DPT: variants seen among roughly 807,000 people sequenced by gnomAD.
DPT encodes dermatopontin, also known as tyrosine-rich acidic matrix protein.
In DPT, 21 loss-of-function variants were observed where a neutral mutation model predicts 31.2. That is an observed-to-expected ratio of 0.67 (90% CI 0.48 to 0.97). The LOEUF (loss-of-function observed/expected upper bound fraction) is 0.97, where lower values mean the gene tolerates loss of function less well. Among genes scored for constraint, DPT ranks in the 50% least tolerant of loss-of-function variants. The pLI is 0.00. For synonymous variants in DPT, 91 were observed against 86.9 expected, an observed-to-expected ratio of 1.05 and a Z score of -0.26; for missense variants, 262 against 258.8, an observed-to-expected ratio of 1.01 and a Z score of -0.08.
At chr1:168,697,403 C>T (rs1649489624) in intron 3 of DPT, among the ~76,000 whole-genome samples, 1 of 152,190 alleles carries the variant, frequency 6.6e-6, no homozygotes, top group Admixed American at 6.5e-5. Context: ...AACACTGCTA[C>T]AGAGGAATGA....
chr1:168,696,004 G>T lies in DPT; in HGVS notation c.*545C>A, dbSNP rs934701227. The T allele has an allele frequency of 2.5e-6, 1 of 392,758 alleles. No individual in the cohort carries two copies. The highest frequency in any genetic ancestry group is 4.5e-6 in the Non-Finnish European group (1 of 222,912). The allele number at this position is 392,758 out of a possible 1,614,324, so 24.3% of individuals were successfully genotyped here. A position where few individuals can be genotyped will look rare whatever the true frequency, so the allele number is the denominator to read the frequency against. Reference sequence around the variant, plus strand: ...TTCACCTCCCAGTCTCCTCACTCCTGGAGCAAAGAGCTCTGCACTTGGATT... The same window carrying T: ...TTCACCTCCCAGTCTCCTCACTCCTTGAGCAAAGAGCTCTGCACTTGGATT... On this transcript the variant is annotated 3_prime_UTR_variant, in exon 4 of 4. Coordinates refer to ENST00000367817, the MANE Select transcript of DPT (RefSeq NM_001937.5).
chr1:168,702,144 T>A (rs1251634830), intron 2 of DPT, among the ~76,000 whole-genome samples: 1 of 152,184 alleles, frequency 6.6e-6, no homozygotes, highest in Non-Finnish European at 1.5e-5. Flanking sequence ...AAAGTCTTTA[T>A]CCACACCCCA....
chr1:168,710,813 CTGTCTTTT>C (rs1557848346), intron 2 of DPT, among the ~76,000 whole-genome samples: 2 of 152,032 alleles, frequency 1.3e-5, no homozygotes, highest in African/African-American at 4.8e-5. Flanking sequence ...ACACAAAGAC[CTGTCTTTT>C]TCAGGTCTCA....
chr1:168,726,625 T>C (rs962126671), intron 1 of DPT, among the ~76,000 whole-genome samples: 2 of 152,258 alleles, frequency 1.3e-5, no homozygotes, highest in Admixed American at 6.5e-5. Context: ...TCTTCCTCTA[T>C]GGCTTGGGGA....
At chr1:168,718,024 C>A (rs748332799) in intron 1 of DPT, among the ~76,000 whole-genome samples, 2 of 152,154 alleles carry the variant, frequency 1.3e-5, no homozygotes, top group African/African-American at 2.4e-5. Flanking sequence ...TCATATGTGT[C>A]CAAAAAGAGA....
intron 2 of DPT, among the ~76,000 whole-genome samples, chr1:168,704,818 C>A (rs898820729): frequency 5.3e-5 from 8 of 152,160 alleles, no homozygotes; most frequent in African/African-American, 1.7e-4. Flanking sequence ...GAAATCAGTT[C>A]GAACTGAAGA....
chr1:168,718,057 T>C (rs1650024227), intron 1 of DPT, among the ~76,000 whole-genome samples: 1 of 152,248 alleles, frequency 6.6e-6, no homozygotes, highest in Non-Finnish European at 1.5e-5. Context: ...GCTAGTGCTC[T>C]CTGTGACCTG....
chr1:168,722,320 T>C (rs1650134327), intron 1 of DPT, among the ~76,000 whole-genome samples: 1 of 152,260 alleles, frequency 6.6e-6, no homozygotes, highest in Non-Finnish European at 1.5e-5. Context: ...TTAAATTATA[T>C]GTTCCAAAAG....
At chr1:168,708,760 GC>G (rs1557847876) in intron 2 of DPT, among the ~76,000 whole-genome samples, 1 of 152,160 alleles carries the variant, frequency 6.6e-6, no homozygotes, top group African/African-American at 2.4e-5. Context: ...GGCACAGGTG[GC>G]ATATGACAGG....
At position 168,696,117 on chromosome 1, in the gene DPT, T is replaced by C. The variant is rs1023122578; in HGVS notation, c.*432A>G. 7 of 403,562 alleles carry C rather than the reference T, an allele frequency of 1.7e-5. No individual in the cohort carries two copies. The highest frequency in any genetic ancestry group is 1.2e-4 in the African/African-American group (6 of 48,660). 25.0% of individuals were successfully genotyped at this position (403,562 alleles called of 1,614,324 possible). ...CTGCTTTTGGTGGGGAACCTACGTA[T>C]CATTCAAACAGGCTTAGCTGTAGAG... On this transcript the variant is annotated 3_prime_UTR_variant, in exon 4 of 4. Coordinates refer to ENST00000367817, the MANE Select transcript of DPT (RefSeq NM_001937.5).
At chr1:168,725,140 A>T (rs1221626733) in intron 1 of DPT, among the ~76,000 whole-genome samples, 1 of 151,880 alleles carries the variant, frequency 6.6e-6, no homozygotes, top group Non-Finnish European at 1.5e-5. Flanking sequence ...TACAAGTATC[A>T]CAGTAACACA....
In DPT at chr1:168,728,934, G is replaced by A. The variant is rs1466592586; in HGVS notation, c.241C>T (p.Pro81Ser). The A allele has an allele frequency of 1.2e-6, 2 of 1,614,202 alleles. No homozygotes were observed. The highest frequency in any genetic ancestry group is 2.2e-5 in the South Asian group (2 of 91,084). The change falls in exon 1 of 4, where the codon CCA (proline) becomes TCA (serine). Residue 81 changes from proline (P) to serine (S), a missense_variant. Physicochemically the swap from Pro to Ser is moderately conservative, Grantham distance 74 (BLOSUM62 -1). Coordinates refer to ENST00000367817, the MANE Select transcript of DPT (RefSeq NM_001937.5). The stretch of plus-strand genomic sequence containing the variant: ...TCCGTGGGTTCCCCGAGGCTCTGTG[G>A]CGTGGGCATGCAGGCGTAGTTCCAT... ...RQWNYACMPT[P>S]QSLGEPTECW...
chr1:168,704,948 C>T (rs1480258397), intron 2 of DPT, among the ~76,000 whole-genome samples: 1 of 152,160 alleles, frequency 6.6e-6, no homozygotes, highest in Admixed American at 6.5e-5. Context: ...GACTGAGCTG[C>T]TGCTGATAGA....
At position 168,701,018 on chromosome 1, in the gene DPT, T is replaced by C. The variant is rs1649583938; in HGVS notation, c.538A>G (p.Arg180Gly). ...TTGGGAAGGGGCTGTCTTTCTCACC[T>C]TTCCACTGCAGAGAAAGTGGTTGTT... ...GATTTFSAVERDRQWKFIMCR... is the reference protein window; with the variant it reads ...GATTTFSAVEGDRQWKFIMCR... Residue 180 changes from arginine to glycine, a missense_variant and splice_region_variant, in exon 3 of 4, where the codon AGG (arginine) becomes GGG (glycine). Arg to Gly is a moderately radical substitution (Grantham distance 125). Coordinates refer to ENST00000367817, the MANE Select transcript of DPT (RefSeq NM_001937.5). 2 of 1,611,782 alleles carry C rather than the reference T, an allele frequency of 1.2e-6. No individual in the cohort carries two copies. Among genetic ancestry groups the C allele is most frequent in the Non-Finnish European group, 1.7e-6 (2 of 1,178,138 alleles).
At chr1:168,719,065 A>G (rs1001931664) in intron 1 of DPT, among the ~76,000 whole-genome samples, 1 of 152,196 alleles carries the variant, frequency 6.6e-6, no homozygotes, top group African/African-American at 2.4e-5. Flanking sequence ...ATTGTTGTCC[A>G]GCAAATGTTT....
chr1:168,703,540 T>C (rs777597082), intron 2 of DPT, among the ~76,000 whole-genome samples: 21 of 152,250 alleles, frequency 1.4e-4, no homozygotes, highest in Non-Finnish European at 2.6e-4. Context: ...GTCCAGTGAA[T>C]TTCTAGAATG....
chr1:168,703,099 C>A (rs1649640140), intron 2 of DPT, among the ~76,000 whole-genome samples: 1 of 152,094 alleles, frequency 6.6e-6, no homozygotes. Flanking sequence ...GTTTTCCTTA[C>A]TTCAGGGAAC....
intron 2 of DPT, among the ~76,000 whole-genome samples, chr1:168,704,824 G>A (rs1297312382): frequency 6.6e-6 from 1 of 152,210 alleles, no homozygotes; most frequent in East Asian, 1.9e-4. Context: ...AGTTCGAACT[G>A]AAGACAATTT....
chr1:168,728,750 T>A, intron 1 of DPT, 120 bp downstream of exon 1: 5 of 1,265,412 alleles, frequency 4.0e-6, no homozygotes, highest in Non-Finnish European at 5.5e-6. Context: ...GTGGTGAGGT[T>A]TGGGGTGGGA....
Sources: gnomAD v4.1 joint callset for allele counts (sites outside exome capture counted in the v4.1 genomes callset) on GRCh38, gnomAD v4.1.1 for gene constraint, MANE v1.5 for transcripts, NCBI Gene and HGNC (gene_info 2026-07-23, HGNC 2026-07-21) for gene names.